MACROD1: variants seen among roughly 807,000 people sequenced by gnomAD.
MACROD1 encodes the protein ADP-ribose glycohydrolase MACROD1.
A neutral mutation model predicts 41.4 loss-of-function variants in MACROD1; 31 were observed. That is an observed-to-expected ratio of 0.75 (90% CI 0.56 to 1.01). The LOEUF (loss-of-function observed/expected upper bound fraction) is 1.01. Ranked by LOEUF, MACROD1 falls within the 50% of genes least tolerant of loss-of-function variation. The pLI, the probability that MACROD1 is intolerant of heterozygous loss-of-function variation, is 0.00. For missense variants in MACROD1, 473 were observed against 460.0 expected (o/e 1.03, Z -0.26); for synonymous variants, 252 against 203.4 (o/e 1.24, Z -2.03).
intron 3 of MACROD1, among the ~76,000 whole-genome samples, chr11:64,130,345 G>A (rs139703465): frequency 0.018 from 2,682 of 152,228 alleles, 48 homozygotes; most frequent in South Asian, 0.11. Flanking sequence ...AGAGAGAGTG[G>A]GTGATACCTA....
rs1945075278 is a variant in MACROD1, at chr11:64,120,235, G to A, written c.517+31004C>T. On this transcript the variant is annotated intron_variant, in intron 3 of 10. Coordinates refer to ENST00000255681, the MANE Select transcript of MACROD1 (RefSeq NM_014067.4). The surrounding 1 kb of genome is among the most constrained non-coding windows in gnomAD (Gnocchi z 4.5). Reference sequence around the variant, plus strand: ...GCACGGCCTGGGGGGGCTAGCCCACGAAATAGGTCCACTCCCCAGCCCTGG... The same window carrying A: ...GCACGGCCTGGGGGGGCTAGCCCACAAAATAGGTCCACTCCCCAGCCCTGG... Among the ~76,000 whole-genome samples the A allele has an allele frequency of 6.6e-6, 1 of 152,196 alleles. No homozygotes were observed. Among genetic ancestry groups the A allele is most frequent in the African/African-American group, 2.4e-5 (1 of 41,452 alleles).
intron 3 of MACROD1, among the ~76,000 whole-genome samples, chr11:64,130,178 T>C (rs1410000236): frequency 3.9e-5 from 6 of 152,074 alleles, no homozygotes; most frequent in Non-Finnish European, 8.8e-5. Context: ...TCTCAGGACT[T>C]GCATTATCAC....
chr11:64,031,379 C>T (rs1263024472), intron 3 of MACROD1, among the ~76,000 whole-genome samples: 1 of 152,154 alleles, frequency 6.6e-6, no homozygotes, highest in African/African-American at 2.4e-5. Context: ...AAGCCCCAGC[C>T]CTCTGTGTTG....
At chr11:64,154,759 C>T (rs549728375) in intron 1 of MACROD1, among the ~76,000 whole-genome samples, 2 of 152,228 alleles carry the variant, frequency 1.3e-5, no homozygotes, top group Admixed American at 6.5e-5. Flanking sequence ...CTCACTCTGT[C>T]GCCCAGGCTG....
intron 3 of MACROD1, among the ~76,000 whole-genome samples, chr11:64,021,939 G>T (rs1313647408): frequency 1.1e-4 from 6 of 54,910 alleles, no homozygotes; most frequent in African/African-American, 4.1e-4. Flanking sequence ...GGGCCGGGGG[G>T]GGGGGGGGGG....
Position 64,082,472 on chromosome 11 carries a change from C to A in MACROD1, c.518-67191G>T, listed in dbSNP as rs1944321354. Among the ~76,000 whole-genome samples the A allele has an allele frequency of 6.6e-6, 1 of 151,944 alleles. No homozygotes were observed. ...GAGGGCAGGGCTGAGGGACTGAGGG[C>A]CAGGCTGGGGCCAAGAGCTGGTCCC... On this transcript the variant is annotated intron_variant, in intron 3 of 10. Transcript: ENST00000255681. The surrounding 1 kb of genome is among the most constrained non-coding windows in gnomAD (Gnocchi z 4.5).
At chr11:64,035,390 C>T (rs1462581074) in intron 3 of MACROD1, among the ~76,000 whole-genome samples, 1 of 151,882 alleles carries the variant, frequency 6.6e-6, no homozygotes, top group African/African-American at 2.4e-5. Context: ...CACGGGTGGA[C>T]GGATGAATGA....
Position 64,133,817 on chromosome 11 carries a change from T to G in MACROD1, c.517+17422A>C, listed in dbSNP as rs73500108. Among the ~76,000 whole-genome samples the G allele has an allele frequency of 3.2e-3, 482 of 152,316 alleles. 2 individuals are homozygous for G. Among genetic ancestry groups the G allele is most frequent in the African/African-American group, 0.011 (446 of 41,574 alleles). ...TGTTCCCCCTTGCAGCCCCAGCACCTGCTGCAGGAATTAATGAAACGAATG... is the reference window on the plus strand; with the variant it reads ...TGTTCCCCCTTGCAGCCCCAGCACCGGCTGCAGGAATTAATGAAACGAATG... On this transcript the variant is annotated intron_variant, in intron 3 of 10. Transcript: ENST00000255681.
intron 3 of MACROD1, among the ~76,000 whole-genome samples, chr11:64,057,294 G>A (rs1017646782): frequency 3.5e-4 from 54 of 152,194 alleles, no homozygotes; most frequent in African/African-American, 1.3e-3. Context: ...GAGCAGGTGG[G>A]GTCCCTCTGC....
chr11:64,048,424 G>A (rs556462703), intron 3 of MACROD1, among the ~76,000 whole-genome samples: 10 of 152,304 alleles, frequency 6.6e-5, no homozygotes, highest in Non-Finnish European at 1.5e-4. Context: ...TGGACCCTCC[G>A]TTGGCCTGGG....
intron 3 of MACROD1, among the ~76,000 whole-genome samples, chr11:64,016,653 C>T (rs1448437536): frequency 6.6e-6 from 1 of 152,246 alleles, no homozygotes; most frequent in Non-Finnish European, 1.5e-5. Flanking sequence ...ATTAATTCCA[C>T]CGCCCAAAAA....
intron 3 of MACROD1, among the ~76,000 whole-genome samples, chr11:64,137,525 G>A (rs1422114095): frequency 6.6e-6 from 1 of 152,172 alleles, no homozygotes; most frequent in Non-Finnish European, 1.5e-5. Flanking sequence ...GTGGCTGCTG[G>A]GAAGCTCAGA....
chr11:64,014,734 G>A (rs1943057915), intron 4 of MACROD1, among the ~76,000 whole-genome samples: 1 of 152,202 alleles, frequency 6.6e-6, no homozygotes, highest in Non-Finnish European at 1.5e-5. Context: ...CCTGACCTCT[G>A]ACCTCCTGCC....
intron 3 of MACROD1, chr11:64,116,729 G>A: frequency 1.2e-6 from 2 of 1,613,744 alleles, no homozygotes; most frequent in Non-Finnish European, 1.7e-6. Flanking sequence ...CGCTGCTGGA[G>A]AAGCTGCACC....
intron 3 of MACROD1, among the ~76,000 whole-genome samples, chr11:64,033,864 T>G (rs78745341): frequency 0.011 from 1,641 of 152,140 alleles, 30 homozygotes; most frequent in African/African-American, 0.036. Context: ...ATTATTTTTA[T>G]TTTTTTGTAT....
chr11:64,088,798 T>C (rs1944439594), intron 3 of MACROD1, among the ~76,000 whole-genome samples: 2 of 152,114 alleles, frequency 1.3e-5, no homozygotes, highest in African/African-American at 4.8e-5. Flanking sequence ...GCCTGGCACA[T>C]GATGGGCTCT....
chr11:64,020,440 A>C (rs1038641000), intron 3 of MACROD1, among the ~76,000 whole-genome samples: 3 of 151,996 alleles, frequency 2.0e-5, no homozygotes, highest in Admixed American at 2.0e-4. Flanking sequence ...CTTAGTGAGA[A>C]ATGAGAAATC....
rs1220009738 is a variant in MACROD1, at chr11:64,004,046, C to A, written c.548-3703G>T. On this transcript the variant is annotated intron_variant, in intron 4 of 10. Coordinates refer to ENST00000255681, the MANE Select transcript of MACROD1 (RefSeq NM_014067.4). ...GGGCTCTGCCTGCCCTCGCCTGAGC[C>A]CGGAGGAACCTCTTTCTGCCCCAAG... 5.3e-5 allele frequency among the ~76,000 whole-genome samples: 8 copies of A among 152,356 alleles called. No individual in the cohort carries two copies. The East Asian group carries it at 1.5e-3, about 29-fold the overall frequency.
intron 3 of MACROD1, among the ~76,000 whole-genome samples, chr11:64,017,659 G>A (rs1035392957): frequency 6.6e-6 from 1 of 152,150 alleles, no homozygotes; most frequent in African/African-American, 2.4e-5. Context: ...CTGGGCATCT[G>A]GGCAGTGCCA....
Sources: gnomAD v4.1 joint callset for allele counts (sites outside exome capture counted in the v4.1 genomes callset) on GRCh38, gnomAD v4.1.1 for gene constraint, Gnocchi (gnomAD v3.1) non-coding constraint, MANE v1.5 for transcripts, NCBI Gene and HGNC (gene_info 2026-07-23, HGNC 2026-07-21) for gene names.